Variants in USP47 observed in about 807,000 individuals in gnomAD.
USP47 encodes ubiquitin carboxyl-terminal hydrolase 47.
USP47 carries 35 observed loss-of-function variants against 165.1 expected under a neutral mutation model. The observed-to-expected ratio is 0.21, with a 90% CI of 0.16 to 0.28. USP47 has a LOEUF of 0.28. Among genes scored for constraint, USP47 ranks in the 10% least tolerant of loss-of-function variants. The pLI is 1.00. For missense variants in USP47, 1,277 were observed against 1,607.4 expected, an observed-to-expected ratio of 0.79 and a Z score of 3.52; for synonymous variants, 531 against 544.5, an observed-to-expected ratio of 0.98 and a Z score of 0.35.
intron 8 of USP47, among the ~76,000 whole-genome samples, chr11:11,912,121 G>C (rs1157541138): frequency 6.6e-6 from 1 of 151,222 alleles, no homozygotes; most frequent in African/African-American, 2.4e-5. Context: ...CTAAAAGACA[G>C]GAAAAGGGCC....
intron 19 of USP47, 61 bp downstream of exon 19, chr11:11,940,609 T>C (rs1334155872): frequency 6.4e-7 from 1 of 1,560,082 alleles, no homozygotes; most frequent in Non-Finnish European, 8.8e-7. Flanking sequence ...GAAATTAGGT[T>C]CAATATTATA....
intron 14 of USP47, among the ~76,000 whole-genome samples, chr11:11,931,107 G>A (rs1854632983): frequency 6.6e-6 from 1 of 152,038 alleles, no homozygotes; most frequent in Non-Finnish European, 1.5e-5. Flanking sequence ...GACTCAGGCT[G>A]TATTACAAAT....
chr11:11,903,752 T>G (rs1852373870), intron 7 of USP47, among the ~76,000 whole-genome samples: 1 of 152,160 alleles, frequency 6.6e-6, no homozygotes, highest in Non-Finnish European at 1.5e-5. Flanking sequence ...TGAAATATAG[T>G]CATATGTATT....
intron 1 of USP47, among the ~76,000 whole-genome samples, chr11:11,866,051 T>A (rs1234583174): frequency 6.6e-6 from 1 of 152,228 alleles, no homozygotes; most frequent in Non-Finnish European, 1.5e-5. Flanking sequence ...TTTTGCTGCC[T>A]GTGTCTTGGT....
intron 7 of USP47, among the ~76,000 whole-genome samples, chr11:11,904,716 G>T (rs1017698981): frequency 1.3e-5 from 2 of 152,122 alleles, no homozygotes; most frequent in Admixed American, 1.3e-4. Context: ...AAAAGCCCTA[G>T]TTAACTAAGT....
At chr11:11,905,864 G>A (rs1209998440) in intron 8 of USP47, among the ~76,000 whole-genome samples, 1 of 150,614 alleles carries the variant, frequency 6.6e-6, no homozygotes, top group African/African-American at 2.4e-5. Context: ...TTTTATAAAT[G>A]CTGTTATTGT....
intron 25 of USP47, 118 bp from the exon 26 acceptor site, chr11:11,954,779 T>A (rs1342498474): frequency 8.3e-7 from 1 of 1,209,434 alleles, no homozygotes; most frequent in East Asian, 2.5e-5. Context: ...TTTCTTAATT[T>A]TTTTACATGA....
At chr11:11,848,257 T>G (rs1185415015) in intron 1 of USP47, among the ~76,000 whole-genome samples, 1 of 152,254 alleles carries the variant, frequency 6.6e-6, no homozygotes, top group Non-Finnish European at 1.5e-5. Flanking sequence ...CATGATACAG[T>G]GTGCTTGCAC....
At position 11,842,191 on chromosome 11, in the gene USP47, G is replaced by A. The variant is rs776472757; in HGVS notation, c.6G>A (p.Val2=). M[V]PGEENQLVPK... The stretch of plus-strand genomic sequence containing the variant: ...AGGAGCGGCCGGAGTCAGCGATGGT[G>A]CCCGGCGAGGAGAACCAACTGGTCC... Residue 2 remains valine, a synonymous_variant, in exon 1 of 28, where the codon GTG becomes GTA. Transcript: ENST00000527733. The A allele has an allele frequency of 7.1e-6, 11 of 1,553,824 alleles. No individual in the cohort carries two copies. The highest frequency in any genetic ancestry group is 2.0e-5 in the Admixed American group (1 of 51,144).
At chr11:11,896,645 G>A (rs1450837979) in intron 4 of USP47, among the ~76,000 whole-genome samples, 1 of 152,166 alleles carries the variant, frequency 6.6e-6, no homozygotes, top group African/African-American at 2.4e-5. Flanking sequence ...AGAGATAGAA[G>A]TCAGATTCAA....
At chr11:11,858,657 G>C (rs1849201076) in intron 1 of USP47, among the ~76,000 whole-genome samples, 1 of 152,080 alleles carries the variant, frequency 6.6e-6, no homozygotes, top group African/African-American at 2.4e-5. Flanking sequence ...CATTTACATG[G>C]AGTCATATAG....
At chr11:11,919,958 A>G (rs1290402870) in intron 8 of USP47, among the ~76,000 whole-genome samples, 198 bp from the exon 9 acceptor site, 1 of 151,958 alleles carries the variant, frequency 6.6e-6, no homozygotes, top group African/African-American at 2.4e-5. Context: ...TCTTGTGTAG[A>G]ATGAAATAAT....
intron 2 of USP47, among the ~76,000 whole-genome samples, chr11:11,882,652 AG>A (rs1850906302): frequency 6.6e-6 from 1 of 152,140 alleles, no homozygotes; most frequent in African/African-American, 2.4e-5. Flanking sequence ...ACCCTTAAAA[AG>A]CCTTACTCAG....
chr11:11,928,631 TCCTA>T (rs1361387958), intron 11 of USP47, among the ~76,000 whole-genome samples: 5 of 152,208 alleles, frequency 3.3e-5, no homozygotes, highest in African/African-American at 1.2e-4. Context: ...GTTTCTGTCT[TCCTA>T]CCTGTTCTTT....
chr11:11,947,294 G>A (rs1336240162), intron 20 of USP47, among the ~76,000 whole-genome samples: 1 of 152,140 alleles, frequency 6.6e-6, no homozygotes, highest in African/African-American at 2.4e-5. Context: ...CCGGGAAGAG[G>A]TAAGAGTTTC....
intron 8 of USP47, among the ~76,000 whole-genome samples, chr11:11,915,561 G>T (rs757405110): frequency 6.6e-6 from 1 of 152,268 alleles, no homozygotes; most frequent in East Asian, 1.9e-4. Context: ...TCATGGTTAT[G>T]ATATGCCATA....
At chr11:11,915,542 A>G (rs1191887079) in intron 8 of USP47, among the ~76,000 whole-genome samples, 2 of 152,240 alleles carry the variant, frequency 1.3e-5, no homozygotes, top group African/African-American at 4.8e-5. Context: ...AGGTGTATGA[A>G]TGCCAATATC....
At position 11,943,065 on chromosome 11, in the gene USP47, A is replaced by G. The variant is rs1855588909; in HGVS notation, c.3044A>G (p.Lys1015Arg). Residue 1015 changes from lysine to arginine, a missense_variant, in exon 20 of 28, where the codon AAA becomes AGA. This residue lies in a region of USP47 where 909 missense variants were observed against 1,068.1 expected (regional missense o/e 0.85). Coordinates refer to ENST00000527733, the MANE Select transcript of USP47 (RefSeq NM_001282659.2). Reference sequence around the variant, plus strand: ...GGAGAAATGCAGTACATGTATTTCAAAGCTGAACCTTATGCTGCAGATGAA... The same window carrying G: ...GGAGAAATGCAGTACATGTATTTCAGAGCTGAACCTTATGCTGCAGATGAA... ...SRGEMQYMYF[K>R]AEPYAADEGS... 1.9e-6 allele frequency: 3 copies of G among 1,613,328 alleles called. No homozygotes were observed. In the East Asian group the frequency reaches 6.7e-5, roughly 36 times the overall value.
intron 14 of USP47, among the ~76,000 whole-genome samples, chr11:11,931,481 T>A (rs1263906866): frequency 6.6e-6 from 1 of 152,170 alleles, no homozygotes; most frequent in African/African-American, 2.4e-5. Flanking sequence ...TAATCATTTG[T>A]ACTGTATTAT....
Sources: gnomAD v4.1 joint callset for allele counts (sites outside exome capture counted in the v4.1 genomes callset) on GRCh38, gnomAD v4.1.1 for gene constraint, gnomAD v4.1.1 regional missense constraint, MANE v1.5 for transcripts, NCBI Gene and HGNC (gene_info 2026-07-23, HGNC 2026-07-21) for gene names.